Variants in SSX7 observed in about 807,000 individuals in gnomAD.
SSX7 encodes SSX family member 7.
A neutral mutation model predicts 14.7 loss-of-function variants in SSX7; 15 were observed. That is an observed-to-expected ratio of 1.02 (90% CI 0.68 to 1.58). The LOEUF is 1.58. Ranked by LOEUF, SSX7 falls within the 40% of genes most tolerant of loss-of-function variation. SSX7 has a pLI of 0.00. For synonymous variants in SSX7, 46 were observed against 50.6 expected, an observed-to-expected ratio of 0.91 and a Z score of 0.38; for missense variants, 178 against 146.8, an observed-to-expected ratio of 1.21 and a Z score of -1.10.
intron 6 of SSX7, among the ~76,000 whole-genome samples, chrX:52,645,758 G>A (rs1556766287): frequency 9.0e-6 from 1 of 111,582 alleles, no homozygotes; most frequent in Non-Finnish European, 1.9e-5. Flanking sequence ...GGCTCCTTCT[G>A]TTGTGGGGTT....
At chrX:52,648,048 G>A (rs1381789537) in intron 6 of SSX7, among the ~76,000 whole-genome samples, 6 of 111,706 alleles carry the variant, frequency 5.4e-5, no homozygotes, top group Non-Finnish European at 1.1e-4. Context: ...AGAAAATTTG[G>A]AAGACTAGCC....
rs782123925 is a variant in SSX7 at position 52,645,505 on chromosome X, G to A, written c.505C>T (p.Arg169Cys). The A allele has an allele frequency of 3.3e-6, 4 of 1,204,446 alleles. No homozygotes were observed. The highest frequency in any genetic ancestry group is 1.8e-5 in the South Asian group (1 of 56,357). ...TAAATCACCAGCTGCTTTCTCTCACGCAGTCTGTGGGTCCAGGCATGTTTC... is the reference window on the plus strand; with the variant it reads ...TAAATCACCAGCTGCTTTCTCTCACACAGTCTGTGGGTCCAGGCATGTTTC... The part of the protein sequence containing the change: ...RGKHAWTHRL[R>C]ERKQLVIYEE... The change falls in exon 7 of 8, where the codon CGT becomes TGT. Residue 169 changes from arginine to cysteine, a missense_variant. By Grantham distance (180) the Arg-to-Cys change is radical. Coordinates refer to ENST00000298181, the MANE Select transcript of SSX7 (RefSeq NM_173358.2).
intron 3 of SSX7, among the ~76,000 whole-genome samples, chrX:52,652,602 G>A (rs1402486913): frequency 1.2e-4 from 13 of 110,031 alleles, no homozygotes; most frequent in Admixed American, 1.1e-3. Context: ...TGGGGGTGCC[G>A]GGATGCCACA....
Position 52,650,348 on chromosome X carries a change from C to A in SSX7, c.330+5G>T. 8.3e-7 allele frequency: 1 copy of A among 1,209,547 alleles called. No individual in the cohort carries two copies. Among genetic ancestry groups the A allele is most frequent in the Admixed American group, 2.2e-5 (1 of 45,975 alleles). On this transcript the variant is annotated splice_donor_5th_base_variant and intron_variant, in intron 5 of 7. Transcript: ENST00000298181. Reference sequence around the variant, plus strand: ...TCTGGTCCTTTAGATCTGAGAGACACTCACCTTCGGGAAGATTCTCTGGAG... The same window carrying A: ...TCTGGTCCTTTAGATCTGAGAGACAATCACCTTCGGGAAGATTCTCTGGAG...
chrX:52,644,362 A>G lies in SSX7; in HGVS notation c.*313T>C. 5.8e-6 allele frequency: 2 copies of G among 345,554 alleles called. No individual in the cohort carries two copies. Among genetic ancestry groups the G allele is most frequent in the Non-Finnish European group, 9.8e-6 (2 of 203,868 alleles). The allele number at this position is 345,554 out of a possible 1,213,427, so 28.5% of individuals were successfully genotyped here. ...AGGGTAGTGCTGTTCTATGGAGAGA[A>G]TACCTGACTATACTTGCTTTCTGAG... On this transcript the variant is annotated 3_prime_UTR_variant, in exon 8 of 8. Transcript: ENST00000298181.
At chrX:52,649,378 A>C (rs1297331634) in intron 5 of SSX7, among the ~76,000 whole-genome samples, 1 of 111,989 alleles carries the variant, frequency 8.9e-6, no homozygotes, top group Non-Finnish European at 1.9e-5. Context: ...AGTGAACAAT[A>C]CATGTAAAAT....
chrX:52,651,770 G>A (rs1212169084), intron 4 of SSX7, among the ~76,000 whole-genome samples: 8 of 111,505 alleles, frequency 7.2e-5, no homozygotes, highest in African/African-American at 2.6e-4. Flanking sequence ...AGCTACTCCG[G>A]AGGCTGAGGC....
At chrX:52,652,444 G>T (rs1191709184) in intron 3 of SSX7, 97 bp from the exon 4 acceptor site, 16 of 638,823 alleles carry the variant, frequency 2.5e-5, no homozygotes, top group Middle Eastern at 3.1e-4. Flanking sequence ...GGCTGAGGCT[G>T]GAGTATTGCT....
intron 5 of SSX7, among the ~76,000 whole-genome samples, chrX:52,648,811 A>C (rs1556766668): frequency 9.0e-6 from 1 of 111,590 alleles, no homozygotes; most frequent in Non-Finnish European, 1.9e-5. Flanking sequence ...GAGGGGACAA[A>C]ACACTGCTGG....
rs142315346 is a variant in SSX7 at position 52,648,055 on chromosome X, A to T, written c.466+206T>A. On this transcript the variant is annotated intron_variant, in intron 6 of 7. Coordinates refer to ENST00000298181, the MANE Select transcript of SSX7 (RefSeq NM_173358.2). Reference sequence around the variant, plus strand: ...TGGAACTGAGAAAATTTGGAAGACTAGCCCCAAGTCACGTGGTTTGTATAT... The same window carrying T: ...TGGAACTGAGAAAATTTGGAAGACTTGCCCCAAGTCACGTGGTTTGTATAT... Among the ~76,000 whole-genome samples, 901 of 111,988 alleles carry T rather than the reference A, an allele frequency of 8.0e-3. 8 individuals carry two copies. Among genetic ancestry groups the T allele is most frequent in the African/African-American group, 0.028 (866 of 30,874 alleles).
At chrX:52,645,773 T>A (rs1424681033) in intron 6 of SSX7, among the ~76,000 whole-genome samples, 3 of 111,668 alleles carry the variant, frequency 2.7e-5, no homozygotes, top group African/African-American at 9.8e-5. Context: ...GGGGTTTAGA[T>A]TCCCAACCTT....
At chrX:52,644,849 T>C (rs1313277393) in intron 7 of SSX7, among the ~76,000 whole-genome samples, 179 bp from the exon 8 acceptor site, 5 of 111,444 alleles carry the variant, frequency 4.5e-5, no homozygotes, top group Admixed American at 2.9e-4. Flanking sequence ...CAGTGACTTC[T>C]TCGCCTGGGT....
chrX:52,648,129 T>C, intron 6 of SSX7, 132 bp downstream of exon 6: 3 of 958,035 alleles, frequency 3.1e-6, no homozygotes, highest in Non-Finnish European at 4.3e-6. Context: ...AAACATCTCA[T>C]CTGGAGCTGG....
chrX:52,653,750 G>A (rs1248359408), intron 1 of SSX7, among the ~76,000 whole-genome samples: 5 of 110,735 alleles, frequency 4.5e-5, no homozygotes, highest in African/African-American at 1.6e-4. Context: ...GGAGGGGGTT[G>A]GCTAATGTTG....
At chrX:52,650,217 G>T in intron 5 of SSX7, 136 bp downstream of exon 5, 1 of 786,545 alleles carries the variant, frequency 1.3e-6, no homozygotes, top group Non-Finnish European at 1.9e-6. Context: ...AGCTGTTGGT[G>T]CTACATCAGG....
At chrX:52,648,531 T>G in intron 5 of SSX7, 135 bp from the exon 6 acceptor site, 1 of 995,222 alleles carries the variant, frequency 1.0e-6, no homozygotes, top group Non-Finnish European at 1.4e-6. Context: ...CATGCCTAAA[T>G]TAGGAGAAAC....
At chrX:52,645,132 G>C (rs1427470278) in intron 7 of SSX7, among the ~76,000 whole-genome samples, 1 of 110,712 alleles carries the variant, frequency 9.0e-6, no homozygotes, top group Non-Finnish European at 1.9e-5. Context: ...TTACCCGGGC[G>C]TGGTGGCGGG....
intron 5 of SSX7, among the ~76,000 whole-genome samples, chrX:52,648,693 A>G (rs1158019137): frequency 1.8e-5 from 2 of 111,901 alleles, no homozygotes; most frequent in African/African-American, 6.5e-5. Context: ...TGGAAGAAGG[A>G]TAGCATTTTT....
intron 1 of SSX7, among the ~76,000 whole-genome samples, chrX:52,654,364 G>GTTTTGTTTTTTTTTT (rs1556767485): frequency 1.6e-5 from 1 of 60,944 alleles, no homozygotes; most frequent in Non-Finnish European, 2.8e-5. Flanking sequence ...ATTTGAGTGA[G>GTTTTGTTTTTTTTTT]TTTTTTTTTT....
Sources: allele counts gnomAD v4.1 joint callset (sites outside exome capture counted in the v4.1 genomes callset), GRCh38; gene constraint gnomAD v4.1.1; transcripts MANE v1.5; gene names NCBI Gene and HGNC (gene_info 2026-07-23, HGNC 2026-07-21).